LIFR: variants seen among roughly 807,000 people sequenced by gnomAD.
The protein encoded by LIFR is leukemia inhibitory factor receptor.
A neutral mutation model predicts 122.2 loss-of-function variants in LIFR; 84 were observed. The observed-to-expected ratio is 0.69, with a 90% CI of 0.58 to 0.82. LIFR has a LOEUF of 0.82. Among genes scored for constraint, LIFR ranks in the 40% least tolerant of loss-of-function variants. The pLI is 0.00. For missense variants in LIFR, 1,294 were observed against 1,311.6 expected, an observed-to-expected ratio of 0.99 and a Z score of 0.21; for synonymous variants, 422 against 434.7, an observed-to-expected ratio of 0.97 and a Z score of 0.36.
intron 16 of LIFR, among the ~76,000 whole-genome samples, chr5:38,488,816 T>C (rs1744421522): frequency 6.6e-6 from 1 of 152,240 alleles, no homozygotes; most frequent in African/African-American, 2.4e-5. Context: ...TAATAAGAGA[T>C]GGTTTCTGTC....
At chr5:38,562,054 G>T (rs1433187046) in intron 1 of LIFR, among the ~76,000 whole-genome samples, 1 of 152,114 alleles carries the variant, frequency 6.6e-6, no homozygotes, top group African/African-American at 2.4e-5. Flanking sequence ...TGGGAGCACC[G>T]CAAATGTGAA....
intron 6 of LIFR, among the ~76,000 whole-genome samples, chr5:38,511,341 C>A (rs113848198): frequency 2.0e-3 from 304 of 152,264 alleles, no homozygotes; most frequent in Non-Finnish European, 3.6e-3. Context: ...AAACTGCCAA[C>A]ATTCTCCCTG....
At chr5:38,595,623 C>A (rs1238143279), upstream of LIFR, among the ~76,000 whole-genome samples, 3 of 152,186 alleles carry the variant, frequency 2.0e-5, no homozygotes. Context: ...TGAGTCCAAC[C>A]CAGGTTAGGA....
At chr5:38,579,688 A>G (rs1368909885) in intron 1 of LIFR, 1 of 152,218 alleles carries the variant, frequency 6.6e-6, no homozygotes, top group East Asian at 1.9e-4. Context: ...AAGAAAGTCA[A>G]TTATGTTATA....
chr5:38,511,405 G>A (rs1476217544), intron 6 of LIFR, among the ~76,000 whole-genome samples: 1 of 151,714 alleles, frequency 6.6e-6, no homozygotes, highest in Admixed American at 6.6e-5. Context: ...GCAGATCCCC[G>A]TGTTCCTGGC....
chr5:38,523,647 T>C (rs1417430152), intron 4 of LIFR, 65 bp from the exon 5 acceptor site: 4 of 1,238,366 alleles, frequency 3.2e-6, no homozygotes, highest in Non-Finnish European at 4.7e-6. Flanking sequence ...ATACTGTAAC[T>C]CCACTAATCA....
intron 4 of LIFR, among the ~76,000 whole-genome samples, chr5:38,526,403 G>A (rs1746681855): frequency 6.8e-6 from 1 of 147,996 alleles, no homozygotes; most frequent in Non-Finnish European, 1.5e-5. Context: ...CACATGGTAA[G>A]TACAAACTTT....
intron 9 of LIFR, among the ~76,000 whole-genome samples, chr5:38,504,618 T>C (rs1312049519): frequency 6.6e-6 from 1 of 152,136 alleles, no homozygotes; most frequent in East Asian, 1.9e-4. Context: ...AAAAGCATTT[T>C]AGGCAGAGAT....
chr5:38,602,083 C>T (rs192319237), intron 2 of LIFR, among the ~76,000 whole-genome samples: 1 of 152,188 alleles, frequency 6.6e-6, no homozygotes, highest in Non-Finnish European at 1.5e-5. Flanking sequence ...GGCTCTTTAT[C>T]ATTTTTCACC....
At chr5:38,518,411 C>A (rs1746220277) in intron 5 of LIFR, among the ~76,000 whole-genome samples, 2 of 152,042 alleles carry the variant, frequency 1.3e-5, no homozygotes, top group Admixed American at 1.3e-4. Flanking sequence ...TCAAGGTATA[C>A]AGTAATGTGC....
intron 4 of LIFR, 60 bp downstream of exon 4, chr5:38,527,095 A>G (rs1746727466): frequency 6.8e-7 from 1 of 1,460,710 alleles, no homozygotes; most frequent in African/African-American, 1.4e-5. Context: ...AGAAAGCACC[A>G]CAATACTAAC....
chr5:38,542,390 T>G (rs1444121841), intron 1 of LIFR, among the ~76,000 whole-genome samples: 1 of 152,112 alleles, frequency 6.6e-6, no homozygotes, highest in African/African-American at 2.4e-5. Context: ...ATGCCTCTAG[T>G]TATGACTACC....
At chr5:38,486,140 C>T (rs557679586) in intron 16 of LIFR, among the ~76,000 whole-genome samples, 160 bp from the exon 17 acceptor site, 1 of 152,166 alleles carries the variant, frequency 6.6e-6, no homozygotes, top group Non-Finnish European at 1.5e-5. Flanking sequence ...GCTCTACCCC[C>T]ACGCCAGTCA....
At chr5:38,524,331 C>G (rs1746558944) in intron 4 of LIFR, among the ~76,000 whole-genome samples, 1 of 152,048 alleles carries the variant, frequency 6.6e-6, no homozygotes, top group African/African-American at 2.4e-5. Flanking sequence ...GCAGAAGTAG[C>G]AGGATATAAG....
At chr5:38,553,640 A>C (rs1464225180) in intron 1 of LIFR, among the ~76,000 whole-genome samples, 2 of 81,304 alleles carry the variant, frequency 2.5e-5, no homozygotes, top group Admixed American at 1.1e-4. Flanking sequence ...ATATATATAT[A>C]TATATATATA....
intron 5 of LIFR, among the ~76,000 whole-genome samples, chr5:38,522,560 T>A (rs1250348281): frequency 1.3e-5 from 2 of 152,178 alleles, no homozygotes; most frequent in African/African-American, 4.8e-5. Context: ...TACCAATATA[T>A]TACAATTGCC....
chr5:38,592,511 G>A (rs1749954175), intron 1 of LIFR, among the ~76,000 whole-genome samples: 1 of 151,964 alleles, frequency 6.6e-6, no homozygotes, highest in African/African-American at 2.4e-5. Flanking sequence ...CAAAAAATTA[G>A]CCAGGTGTGG....
At chr5:38,586,370 A>C (rs1007121717) in intron 1 of LIFR, among the ~76,000 whole-genome samples, 1 of 149,648 alleles carries the variant, frequency 6.7e-6, no homozygotes, top group Admixed American at 6.6e-5. Flanking sequence ...TCTCACACTT[A>C]TAATGTTTAA....
intron 16 of LIFR, 138 bp downstream of exon 16, chr5:38,488,940 C>T: frequency 4.4e-6 from 3 of 679,134 alleles, no homozygotes; most frequent in Non-Finnish European, 7.6e-6. Context: ...CATAGAATTA[C>T]TGCCTTTTCA....
Sources: allele counts gnomAD v4.1 joint callset (sites outside exome capture counted in the v4.1 genomes callset), GRCh38; gene constraint gnomAD v4.1.1; transcripts MANE v1.5; gene names NCBI Gene and HGNC (gene_info 2026-07-23, HGNC 2026-07-21).